The following GPM6B variants were observed in gnomAD, a reference collection of about 807,000 sequenced individuals.
GPM6B encodes the protein glycoprotein M6B, also known as neuronal membrane glycoprotein M6-b.
Under a neutral mutation model 27.2 loss-of-function variants are expected in GPM6B, and 4 were observed. The ratio of observed to expected loss-of-function variants is 0.15; its 90% confidence interval spans 0.07 to 0.34. GPM6B has a LOEUF of 0.34. Ranked by LOEUF, GPM6B falls within the 10% of genes least tolerant of loss-of-function variation. GPM6B has a pLI of 1.00. For synonymous variants in GPM6B, 124 were observed against 103.1 expected (o/e 1.20, Z -1.23); for missense variants, 183 against 261.9 (o/e 0.70, Z 2.08).
chrX:13,833,108 G>C (rs1431740751), intron 1 of GPM6B, among the ~76,000 whole-genome samples: 1 of 110,909 alleles, frequency 9.0e-6, no homozygotes, highest in Non-Finnish European at 1.9e-5. Context: ...TGAGCTGTCT[G>C]ACATTCAGCA....
At chrX:13,906,610 T>C (rs17215693) in intron 1 of GPM6B, among the ~76,000 whole-genome samples, 149 of 112,597 alleles carry the variant, frequency 1.3e-3, no homozygotes, top group Non-Finnish European at 2.4e-3. Flanking sequence ...AACTCATATC[T>C]TTCAAACCAC....
At chrX:13,794,374 G>A (rs924357189) in intron 2 of GPM6B, among the ~76,000 whole-genome samples, 1 of 110,618 alleles carries the variant, frequency 9.0e-6, no homozygotes, top group Non-Finnish European at 1.9e-5. Context: ...TCATTAAAAC[G>A]CAGATTCTGT....
chrX:13,833,674 C>G (rs1223271203), intron 1 of GPM6B, among the ~76,000 whole-genome samples: 1 of 111,358 alleles, frequency 9.0e-6, no homozygotes, highest in Non-Finnish European at 1.9e-5. Context: ...CTGCAGTTAG[C>G]CATGATCACA....
intron 1 of GPM6B, among the ~76,000 whole-genome samples, chrX:13,925,836 C>T (rs1050531018): frequency 5.4e-5 from 6 of 110,113 alleles, no homozygotes; most frequent in African/African-American, 2.0e-4. Flanking sequence ...AGGTGGATCA[C>T]GAGGTCAGGA....
rs767251126 is a variant in GPM6B at position 13,927,702 on chromosome X, C to T, written c.-198+10625G>A. 2.7e-5 allele frequency among the ~76,000 whole-genome samples: 3 copies of T among 112,785 alleles called. No homozygotes were observed. In the South Asian group the frequency reaches 1.1e-3, roughly 41 times the overall value. On this transcript the variant is annotated intron_variant, in intron 1 of 6. Transcript: ENST00000398361. ...TCAACATCTATTACATCCTTAAGTCCTGAAGTTAGCAAGCATTCACGTTGA... is the reference window on the plus strand; with the variant it reads ...TCAACATCTATTACATCCTTAAGTCTTGAAGTTAGCAAGCATTCACGTTGA...
At chrX:13,874,543 C>CAA (rs34549189) in intron 1 of GPM6B, among the ~76,000 whole-genome samples, 25,069 of 82,393 alleles carry the variant, frequency 0.3, 3,462 homozygotes, top group East Asian at 0.6. Context: ...ACTAAAAATA[C>CAA]AAAAAAAAAA....
intron 1 of GPM6B, among the ~76,000 whole-genome samples, chrX:13,860,126 A>G (rs1376785488): frequency 4.4e-5 from 5 of 112,598 alleles, no homozygotes; most frequent in Non-Finnish European, 9.4e-5. Context: ...TGAAAGAAAA[A>G]CTATCAGTTG....
chrX:13,799,197 T>C (rs1361329535), intron 2 of GPM6B, among the ~76,000 whole-genome samples: 7 of 10,112 alleles, frequency 6.9e-4, no homozygotes, highest in Non-Finnish European at 1.1e-3. Flanking sequence ...CTAATTTTTT[T>C]TTTTTTTTTT....
chrX:13,773,265 C>A, intron 7 of GPM6B: 1 of 266,882 alleles, frequency 3.7e-6, no homozygotes, highest in Non-Finnish European at 6.6e-6. Flanking sequence ...AAAAAATGGC[C>A]AAAGGTATTG....
intron 1 of GPM6B, among the ~76,000 whole-genome samples, chrX:13,875,685 A>G (rs1442712577): frequency 5.3e-5 from 6 of 112,464 alleles, no homozygotes; most frequent in Admixed American, 2.8e-4. Flanking sequence ...AATAGCAGTC[A>G]ACGATACAAA....
In GPM6B at chrX:13,822,533, AT is replaced by A. The variant is rs1226831480; in HGVS notation, c.-197-36726del. ...GGCGTGGGGCCACCACGCCCAGCTA[AT>A]TTTTTTTTTTTTTTGTATTTTTAGT... On this transcript the variant is annotated intron_variant, in intron 1 of 6. Transcript: ENST00000398361. Among the ~76,000 whole-genome samples, 833 of 98,538 alleles carry A rather than the reference AT, an allele frequency of 8.5e-3. 8 individuals are homozygous for A. The highest frequency in any genetic ancestry group is 0.026 in the African/African-American group (697 of 27,320). 85.6% of individuals were successfully genotyped at this position (98,538 alleles called of 115,157 possible).
At position 13,803,569 on chromosome X, in the gene GPM6B, G is replaced by A. The variant is rs746927436; in HGVS notation, c.181+4081C>T. Reference sequence around the variant, plus strand: ...TGGGTGGTTATTCTACTCCTTCCTTGTGAGACTGAATTCTGAATTACAGAT... The same window carrying A: ...TGGGTGGTTATTCTACTCCTTCCTTATGAGACTGAATTCTGAATTACAGAT... On this transcript the variant is annotated intron_variant, in intron 2 of 7. Transcript: ENST00000316715. Among the ~76,000 whole-genome samples the A allele has an allele frequency of 5.3e-5, 6 of 112,162 alleles. No individual in the cohort carries two copies. The East Asian group carries it at 1.7e-3, about 31-fold the overall frequency.
intron 1 of GPM6B, among the ~76,000 whole-genome samples, chrX:13,844,649 T>C (rs970191422): frequency 5.4e-5 from 6 of 111,674 alleles, no homozygotes; most frequent in African/African-American, 2.0e-4. Flanking sequence ...AGAATATCAT[T>C]CTCCAGATCA....
At chrX:13,804,826 G>T (rs1291358102) in intron 2 of GPM6B, among the ~76,000 whole-genome samples, 3 of 103,064 alleles carry the variant, frequency 2.9e-5, no homozygotes, top group Non-Finnish European at 4.0e-5. Context: ...AAAAAAAAGA[G>T]CCATACAGAA....
chrX:13,865,542 C>CAAAAAAAAAAAAAAAAA (rs1171503867), intron 1 of GPM6B, among the ~76,000 whole-genome samples: 6 of 14,622 alleles, frequency 4.1e-4, no homozygotes, highest in African/African-American at 5.2e-4. Context: ...TCCATCTCTT[C>CAAAAAAAAAAAAAAAAA]AAAAAAAAAA....
intron 1 of GPM6B, among the ~76,000 whole-genome samples, chrX:13,874,220 A>C (rs1038579623): frequency 3.6e-5 from 4 of 112,253 alleles, no homozygotes; most frequent in Non-Finnish European, 7.5e-5. Context: ...TTTTTTAAAA[A>C]GCCTACACTT....
intron 1 of GPM6B, among the ~76,000 whole-genome samples, chrX:13,838,133 G>GAAAAAAAAA (rs59126207): frequency 2.2e-5 from 2 of 89,386 alleles, no homozygotes. Flanking sequence ...GGAAAAAAAA[G>GAAAAAAAAA]AAAAAAAAAA....
chrX:13,852,376 T>A (rs772264047), intron 1 of GPM6B, among the ~76,000 whole-genome samples: 47 of 111,544 alleles, frequency 4.2e-4, no homozygotes, highest in African/African-American at 1.5e-3. Flanking sequence ...TCCTCTCAGC[T>A]CTTTTCATTT....
At chrX:13,919,065 A>G (rs1163652994) in intron 1 of GPM6B, among the ~76,000 whole-genome samples, 2 of 111,868 alleles carry the variant, frequency 1.8e-5, no homozygotes, top group East Asian at 5.5e-4. Flanking sequence ...TTCATCAGAG[A>G]GTTCAAATAT....
Sources: gnomAD v4.1 joint callset for allele counts (sites outside exome capture counted in the v4.1 genomes callset) on GRCh38, gnomAD v4.1.1 for gene constraint, MANE v1.5 for transcripts, NCBI Gene and HGNC (gene_info 2026-07-23, HGNC 2026-07-21) for gene names.